ATP10D: variants seen among roughly 807,000 people sequenced by gnomAD.
ATP10D encodes ATPase phospholipid transporting 10D (putative).
A neutral mutation model predicts 144.8 loss-of-function variants in ATP10D; 89 were observed. That is an observed-to-expected ratio of 0.61 (90% CI 0.52 to 0.73). The LOEUF is 0.73. Among genes scored for constraint, ATP10D ranks in the 30% least tolerant of loss-of-function variants. ATP10D has a pLI of 0.00. For synonymous variants in ATP10D, 571 were observed against 615.1 expected (o/e 0.93, Z 1.06); for missense variants, 1,603 against 1,714.8 (o/e 0.93, Z 1.15).
At chr4:47,563,520 A>G (rs1719432173) in intron 14 of ATP10D, 61 bp from the exon 15 acceptor site, 1 of 1,437,930 alleles carries the variant, frequency 7.0e-7, no homozygotes, top group South Asian at 1.3e-5. Context: ...ACTGTAGACT[A>G]GCTGAGCTTC....
chr4:47,520,816 C>T (rs1258634924), intron 3 of ATP10D, among the ~76,000 whole-genome samples: 1 of 152,198 alleles, frequency 6.6e-6, no homozygotes, highest in African/African-American at 2.4e-5. Flanking sequence ...ATCCGCCCCC[C>T]TCGGCCTCCC....
intron 1 of ATP10D, among the ~76,000 whole-genome samples, chr4:47,496,392 GGTGAT>G (rs1715377048): frequency 6.6e-6 from 1 of 151,760 alleles, no homozygotes; most frequent in African/African-American, 2.4e-5. Flanking sequence ...CCTGACCTCA[GGTGAT>G]CTGCCTGCCT....
chr4:47,535,730 C>T, intron 6 of ATP10D, 115 bp downstream of exon 6: 1 of 1,344,834 alleles, frequency 7.4e-7, no homozygotes, highest in Non-Finnish European at 1.0e-6. Context: ...GCCTGATAAA[C>T]TTAATTATTG....
intron 3 of ATP10D, among the ~76,000 whole-genome samples, chr4:47,517,149 C>T (rs549051930): frequency 1.6e-3 from 238 of 152,278 alleles, no homozygotes; most frequent in African/African-American, 5.6e-3. Flanking sequence ...TGCAGTGGCT[C>T]ACACGTGTAA....
intron 1 of ATP10D, among the ~76,000 whole-genome samples, chr4:47,504,182 A>G (rs1011523599): frequency 3.9e-5 from 6 of 152,196 alleles, no homozygotes; most frequent in Admixed American, 3.3e-4. Flanking sequence ...TTCCCACAAA[A>G]TAAATTGACC....
intron 18 of ATP10D, among the ~76,000 whole-genome samples, chr4:47,574,187 C>G (rs1720107257): frequency 6.6e-6 from 1 of 152,202 alleles, no homozygotes; most frequent in African/African-American, 2.4e-5. Context: ...TCCTCACCTC[C>G]TTTTAACTCC....
chr4:47,589,193 T>C (rs1720920574), intron 22 of ATP10D, among the ~76,000 whole-genome samples: 1 of 152,138 alleles, frequency 6.6e-6, no homozygotes, highest in African/African-American at 2.4e-5. Flanking sequence ...TACTAGAGGG[T>C]CCAGAGGGAG....
chr4:47,544,216 T>C (rs1000577809), intron 9 of ATP10D, among the ~76,000 whole-genome samples: 2 of 152,236 alleles, frequency 1.3e-5, no homozygotes, highest in African/African-American at 4.8e-5. Flanking sequence ...TCTGCTGAGA[T>C]ATAATGATTA....
chr4:47,511,770 G>A (rs1716340778), intron 1 of ATP10D, among the ~76,000 whole-genome samples: 2 of 152,208 alleles, frequency 1.3e-5, no homozygotes, highest in African/African-American at 4.8e-5. Flanking sequence ...TCGCTTGTTA[G>A]TGGTCAGTTG....
At chr4:47,519,786 C>T (rs1278877316) in intron 3 of ATP10D, among the ~76,000 whole-genome samples, 1 of 152,176 alleles carries the variant, frequency 6.6e-6, no homozygotes, top group Non-Finnish European at 1.5e-5. Context: ...GTAGACAGCT[C>T]CCTTTTAGGA....
In ATP10D at chr4:47,525,639, T is replaced by A; in HGVS notation, c.773T>A (p.Phe258Tyr). The change falls in exon 5 of 23, where the codon TTC becomes TAC. Residue 258 changes from phenylalanine (F) to tyrosine (Y), a missense_variant. Coordinates refer to ENST00000273859, the MANE Select transcript of ATP10D (RefSeq NM_020453.4). ...AATGACCTCAGCAGATTCCGAGGCT[T>A]CCTGTGAGTAATACATGATGAACAT... The part of the protein sequence containing the change: ...PNNDLSRFRG[F>Y]LEHSNKERVG... The A allele has an allele frequency of 6.2e-7, 1 of 1,608,016 alleles. No homozygotes were observed. Among genetic ancestry groups the A allele is most frequent in the South Asian group, 1.1e-5 (1 of 90,920 alleles).
chr4:47,538,605 G>C (rs1717967208), intron 9 of ATP10D, among the ~76,000 whole-genome samples: 1 of 152,050 alleles, frequency 6.6e-6, no homozygotes, highest in Non-Finnish European at 1.5e-5. Context: ...CTCTGCTCAG[G>C]GTCTCCCACC....
rs565607575 is a variant in ATP10D at position 47,525,754 on chromosome 4, C to T, written c.776+112C>T. 37 of 878,886 alleles carry T rather than the reference C, an allele frequency of 4.2e-5. No homozygotes were observed. In the African/African-American group the frequency reaches 4.6e-4, roughly 11 times the overall value. The allele number at this position is 878,886 out of a possible 1,614,324, so 54.4% of individuals were successfully genotyped here. A position where few individuals can be genotyped will look rare whatever the true frequency, so the allele number is the denominator to read the frequency against. ...ATACCCTTGTTAAATCACTAAAGGT[C>T]GTAACTTTAGCCACCTACTAAAATA... On this transcript the variant is annotated intron_variant, in intron 5 of 22. Transcript: ENST00000273859.
chr4:47,529,758 T>C (rs1717464136), intron 5 of ATP10D, among the ~76,000 whole-genome samples: 3 of 152,202 alleles, frequency 2.0e-5, no homozygotes, highest in African/African-American at 7.2e-5. Context: ...CAATATTGAT[T>C]CTTCCAATCC....
Position 47,591,460 on chromosome 4 carries a change from A to G in ATP10D, c.*79A>G, listed in dbSNP as rs538069284. The G allele has an allele frequency of 2.3e-6, 3 of 1,279,016 alleles. No individual in the cohort carries two copies. The highest frequency in any genetic ancestry group is 1.5e-5 in the African/African-American group (1 of 66,764). The allele number at this position is 1,279,016 out of a possible 1,614,324, so 79.2% of individuals were successfully genotyped here. A position where few individuals can be genotyped will look rare whatever the true frequency, so the allele number is the denominator to read the frequency against. On this transcript the variant is annotated 3_prime_UTR_variant, in exon 23 of 23. Coordinates refer to ENST00000273859, the MANE Select transcript of ATP10D (RefSeq NM_020453.4). ...AGAGGTATCTCTCCAAGCAAGAATG[A>G]CTTGTTTTTCCATAAGGGACATGAG...
Position 47,581,459 on chromosome 4 carries a change from T to C in ATP10D, c.3649-501T>C, listed in dbSNP as rs144957946. Among the ~76,000 whole-genome samples the C allele has an allele frequency of 5.3e-5, 8 of 152,310 alleles. No homozygotes were observed. In the East Asian group the frequency reaches 1.5e-3, roughly 29 times the overall value. ...TCATTTGAATTAGCCTTGCTGGAGTTTTCTGGCTATACTGCACTTCAGGAG... is the reference window on the plus strand; with the variant it reads ...TCATTTGAATTAGCCTTGCTGGAGTCTTCTGGCTATACTGCACTTCAGGAG... On this transcript the variant is annotated intron_variant, in intron 20 of 22. Coordinates refer to ENST00000273859, the MANE Select transcript of ATP10D (RefSeq NM_020453.4).
At chr4:47,497,754 G>A (rs1002596459) in intron 1 of ATP10D, among the ~76,000 whole-genome samples, 15 of 152,190 alleles carry the variant, frequency 9.9e-5, no homozygotes, top group African/African-American at 3.6e-4. Flanking sequence ...TGGTAGTGGA[G>A]CAAACAGCAG....
At chr4:47,511,822 G>A (rs1443161953) in intron 1 of ATP10D, among the ~76,000 whole-genome samples, 2 of 152,168 alleles carry the variant, frequency 1.3e-5, no homozygotes, top group Non-Finnish European at 1.5e-5. Flanking sequence ...AGGCTATGGT[G>A]GTAAATGGGG....
At position 47,550,983 on chromosome 4, in the gene ATP10D, G is replaced by A. The variant is rs1718703712; in HGVS notation, c.1636-3743G>A. On this transcript the variant is annotated intron_variant, in intron 10 of 22. Coordinates refer to ENST00000273859, the MANE Select transcript of ATP10D (RefSeq NM_020453.4). ...ATACAAAGGGAGGGAACCCAAAGAG[G>A]GTAGCCGTTGCCGGCTCCAATGCCT... Among the ~76,000 whole-genome samples, 4 of 152,348 alleles carry A rather than the reference G, an allele frequency of 2.6e-5. No homozygotes were observed. In the South Asian group the frequency reaches 8.3e-4, roughly 32 times the overall value.
Sources: gnomAD v4.1 joint callset for allele counts (sites outside exome capture counted in the v4.1 genomes callset) on GRCh38, gnomAD v4.1.1 for gene constraint, MANE v1.5 for transcripts, NCBI Gene and HGNC (gene_info 2026-07-23, HGNC 2026-07-21) for gene names.